SGCD: variants seen among roughly 807,000 people sequenced by gnomAD.
The protein encoded by SGCD is sarcoglycan delta, also known as delta-sarcoglycan.
Under a neutral mutation model 36.6 loss-of-function variants are expected in SGCD, and 18 were observed. The ratio of observed to expected loss-of-function variants is 0.49; its 90% CI spans 0.34 to 0.73. The LOEUF is 0.73. SGCD is among the 30% of genes least tolerant of loss of function. The pLI is 0.01. For synonymous variants in SGCD, 133 were observed against 130.6 expected (o/e 1.02, Z -0.12); for missense variants, 387 against 346.7 (o/e 1.12, Z -0.92).
chr5:156,218,750 G>T (rs1028160367), intron 3 of SGCD, among the ~76,000 whole-genome samples: 3 of 152,072 alleles, frequency 2.0e-5, no homozygotes, highest in Non-Finnish European at 4.4e-5. Flanking sequence ...TGAAAGAAAG[G>T]CCAAGTCCCT....
At chr5:155,868,543 C>T (rs1755570032), upstream of SGCD, among the ~76,000 whole-genome samples, 1 of 151,680 alleles carries the variant, frequency 6.6e-6, no homozygotes, top group African/African-American at 2.4e-5. Context: ...AAACTGGTGC[C>T]TCATGTGAGG....
At position 156,423,310 on chromosome 5, in the gene SGCD, T is replaced by TTATAA. The variant is rs1410739518; in HGVS notation, c.192+78643_192+78647dup. Among the ~76,000 whole-genome samples, 16 of 53,332 alleles carry TTATAA rather than the reference T, an allele frequency of 3.0e-4. No homozygotes were observed. The South Asian group carries it at 7.1e-3, about 24-fold the overall frequency. 35.0% of individuals were successfully genotyped at this position (53,332 alleles called of 152,430 possible). On this transcript the variant is annotated intron_variant, in intron 3 of 8. Coordinates refer to ENST00000337851, the MANE Select transcript of SGCD (RefSeq NM_000337.6). ...TTTTATTATAATATAATATATTTTA[T>TTATAA]TATAATATAATATATTTTATTATAA... is the stretch of plus-strand genomic sequence containing the variant.
intron 3 of SGCD, among the ~76,000 whole-genome samples, chr5:156,406,107 T>C (rs1159142031): frequency 6.6e-6 from 1 of 151,230 alleles, no homozygotes; most frequent in Admixed American, 6.6e-5. Flanking sequence ...GCATTAAAGA[T>C]TGAATGACTG....
At chr5:156,126,035 G>A (rs985588290) in intron 3 of SGCD, among the ~76,000 whole-genome samples, 18 of 151,572 alleles carry the variant, frequency 1.2e-4, no homozygotes, top group Non-Finnish European at 1.5e-4. Flanking sequence ...CTGCCACCAC[G>A]CCTGGCTAAT....
At chr5:155,864,500 T>TA in the SGCD span, among the ~76,000 whole-genome samples, 157 of 150,722 alleles carry the variant, frequency 1.0e-3, 1 homozygote, top group African/African-American at 3.1e-3. Context: ...TTAATTAAAT[T>TA]AAAAAAAAAG....
At chr5:155,998,977 G>A (rs896227796) in intron 1 of SGCD, among the ~76,000 whole-genome samples, 4 of 152,096 alleles carry the variant, frequency 2.6e-5, no homozygotes, top group African/African-American at 9.7e-5. Flanking sequence ...TTGGCTCCAG[G>A]GAAACCCAAA....
At chr5:156,049,419 A>G (rs560713399) in intron 1 of SGCD, among the ~76,000 whole-genome samples, 5 of 145,094 alleles carry the variant, frequency 3.4e-5, no homozygotes, top group African/African-American at 1.3e-4. Context: ...CTTGGGCAGT[A>G]TGGCCATTTT....
At chr5:156,109,577 T>C (rs1003933628) in intron 1 of SGCD, among the ~76,000 whole-genome samples, 2 of 152,196 alleles carry the variant, frequency 1.3e-5, no homozygotes, top group South Asian at 2.1e-4. Context: ...TCCATCCATA[T>C]AGGAATTTAT....
chr5:156,023,151 T>C (rs1759146037), intron 1 of SGCD, among the ~76,000 whole-genome samples: 2 of 152,242 alleles, frequency 1.3e-5, no homozygotes, highest in African/African-American at 4.8e-5. Flanking sequence ...ATGACATCCC[T>C]GTCTTGGGAC....
chr5:155,847,958 C>T, the SGCD span, among the ~76,000 whole-genome samples: 2 of 152,158 alleles, frequency 1.3e-5, no homozygotes, highest in Non-Finnish European at 2.9e-5. Flanking sequence ...AAAACATCCA[C>T]GTTTGTGAAT....
At chr5:156,175,317 G>A (rs1763439054) in intron 3 of SGCD, among the ~76,000 whole-genome samples, 1 of 152,072 alleles carries the variant, frequency 6.6e-6, no homozygotes, top group African/African-American at 2.4e-5. Flanking sequence ...TAGAAAAAAA[G>A]TAGTAAAATA....
the SGCD span, among the ~76,000 whole-genome samples, chr5:155,863,063 A>G: frequency 6.6e-6 from 1 of 152,200 alleles, no homozygotes; most frequent in Non-Finnish European, 1.5e-5. Context: ...AGAAAGATAG[A>G]TATCCATGTA....
At chr5:156,642,556 A>G (rs1394649172) in intron 6 of SGCD, among the ~76,000 whole-genome samples, 1 of 145,540 alleles carries the variant, frequency 6.9e-6, no homozygotes, top group Admixed American at 7.0e-5. Flanking sequence ...TGCAATTCCA[A>G]CTCCCGGGTT....
intron 1 of SGCD, among the ~76,000 whole-genome samples, chr5:155,900,840 TA>T (rs1026694961): frequency 6.6e-6 from 1 of 152,004 alleles, no homozygotes; most frequent in South Asian, 2.1e-4. Context: ...TAACTGGTAA[TA>T]AAAAAACAAC....
chr5:156,691,710 C>T (rs2113707588), intron 7 of SGCD, among the ~76,000 whole-genome samples: 1 of 152,296 alleles, frequency 6.6e-6, no homozygotes, highest in Non-Finnish European at 1.5e-5. Flanking sequence ...CATGCAAAAA[C>T]AGATGACAGA....
the SGCD span, among the ~76,000 whole-genome samples, chr5:155,771,109 T>A: frequency 0.063 from 9,551 of 152,116 alleles, 964 homozygotes; most frequent in African/African-American, 0.22. Flanking sequence ...CCTTGGCAAT[T>A]TGTAGATGAA....
At chr5:156,353,521 G>T (rs1003813252) in intron 3 of SGCD, among the ~76,000 whole-genome samples, 1 of 152,196 alleles carries the variant, frequency 6.6e-6, no homozygotes, top group African/African-American at 2.4e-5. Context: ...ATACAGATTT[G>T]CTTAGTAAAT....
chr5:156,650,699 G>T (rs929331471), intron 7 of SGCD, among the ~76,000 whole-genome samples: 3 of 152,072 alleles, frequency 2.0e-5, no homozygotes, highest in African/African-American at 4.8e-5. Context: ...AGTGTTCTAT[G>T]GTATATATGT....
intron 3 of SGCD, among the ~76,000 whole-genome samples, chr5:156,314,482 T>C (rs940921379): frequency 6.6e-6 from 1 of 152,054 alleles, no homozygotes; most frequent in African/African-American, 2.4e-5. Context: ...ACCATCATTT[T>C]GGGTACAGTT....
Sources: allele counts gnomAD v4.1 joint callset (sites outside exome capture counted in the v4.1 genomes callset), GRCh38; gene constraint gnomAD v4.1.1; transcripts MANE v1.5; gene names NCBI Gene and HGNC (gene_info 2026-07-23, HGNC 2026-07-21).